Variants in FBXL4 observed in about 807,000 individuals in gnomAD.
The protein encoded by FBXL4 is F-box/LRR-repeat protein 4.
In FBXL4, 40 loss-of-function variants were observed where a neutral mutation model predicts 58.9. The observed-to-expected ratio is 0.68, with a 90% CI of 0.53 to 0.88. The LOEUF is 0.88. Ranked by LOEUF, FBXL4 falls within the 40% of genes least tolerant of loss-of-function variation. FBXL4 has a pLI of 0.00. For synonymous variants in FBXL4, 263 were observed against 265.5 expected (o/e 0.99, Z 0.09); for missense variants, 676 against 734.4 (o/e 0.92, Z 0.92).
rs529594296 is a variant in FBXL4 at position 98,897,590 on chromosome 6, C to T, written c.1317+1678G>A. On this transcript the variant is annotated intron_variant, in intron 7 of 9. Coordinates refer to ENST00000369244, the MANE Select transcript of FBXL4 (RefSeq NM_001278716.2). The stretch of plus-strand genomic sequence containing the variant: ...CATTCGGTGTTGCTATAACAAAATA[C>T]CTGAGGGTGGGTAGCTGATAAAGAA... 2.4e-4 allele frequency among the ~76,000 whole-genome samples: 37 copies of T among 152,148 alleles called. No individual in the cohort carries two copies. The South Asian group carries it at 4.8e-3, about 20-fold the overall frequency.
chr6:98,912,106 C>T (rs1032668581), intron 5 of FBXL4, among the ~76,000 whole-genome samples: 8 of 151,906 alleles, frequency 5.3e-5, no homozygotes, highest in South Asian at 2.1e-4. Flanking sequence ...TGAAATGAAG[C>T]GAGAAGGGAT....
At chr6:98,932,991 T>A (rs1773070710) in intron 2 of FBXL4, among the ~76,000 whole-genome samples, 1 of 151,558 alleles carries the variant, frequency 6.6e-6, no homozygotes, top group Non-Finnish European at 1.5e-5. Context: ...TGGTAATGAA[T>A]CAAGAAAAAA....
At chr6:98,911,041 C>A (rs970949357) in intron 5 of FBXL4, among the ~76,000 whole-genome samples, 1 of 63,492 alleles carries the variant, frequency 1.6e-5, no homozygotes, top group Non-Finnish European at 4.0e-5. Context: ...GCACCTGGCT[C>A]GGAGGGTCCT....
chr6:98,912,813 T>G (rs990423824), intron 5 of FBXL4, among the ~76,000 whole-genome samples: 3 of 150,968 alleles, frequency 2.0e-5, no homozygotes, highest in Non-Finnish European at 4.4e-5. Context: ...CAGGATCAAA[T>G]TCACACCTAA....
At chr6:98,878,394 T>G (rs1205323438) in intron 8 of FBXL4, among the ~76,000 whole-genome samples, 1 of 151,972 alleles carries the variant, frequency 6.6e-6, no homozygotes, top group Non-Finnish European at 1.5e-5. Context: ...CAGGCTGGAG[T>G]GCGGTGGTAT....
chr6:98,893,430 T>G (rs974314033), intron 7 of FBXL4, among the ~76,000 whole-genome samples: 1 of 152,108 alleles, frequency 6.6e-6, no homozygotes, highest in Non-Finnish European at 1.5e-5. Flanking sequence ...TGGTCTTCCT[T>G]GTGTGTGTGT....
Position 98,872,529 on chromosome 6 carries a change from A to G in FBXL4, c.*1749T>C, listed in dbSNP as rs1319251014. The G allele has an allele frequency of 1.3e-5, 2 of 152,140 alleles. No individual in the cohort carries two copies. Among genetic ancestry groups the G allele is most frequent in the Admixed American group, 1.3e-4 (2 of 15,276 alleles). 9.4% of individuals were successfully genotyped at this position (152,140 alleles called of 1,614,324 possible). Reference sequence around the variant, plus strand: ...AATATTTAATTCTTTTCATTAGTAAACCCGTATTACAAAAAAAATTGTTCT... The same window carrying G: ...AATATTTAATTCTTTTCATTAGTAAGCCCGTATTACAAAAAAAATTGTTCT... On this transcript the variant is annotated 3_prime_UTR_variant, in exon 10 of 10. Coordinates refer to ENST00000369244, the MANE Select transcript of FBXL4 (RefSeq NM_001278716.2).
chr6:98,896,676 G>A, intron 7 of FBXL4: 1 of 670,786 alleles, frequency 1.5e-6, no homozygotes, highest in Non-Finnish European at 1.8e-6. Context: ...AAATTACGTA[G>A]TGTTTATGAT....
Position 98,926,680 on chromosome 6 carries a change from C to A in FBXL4, c.309G>T (p.Trp103Cys). ...AGGAAGCACTAGGACACTGATCCCACCATGTCCCATAAGTTCGAAACACAG... is the reference window on the plus strand; with the variant it reads ...AGGAAGCACTAGGACACTGATCCCAACATGTCCCATAAGTTCGAAACACAG... ...QTAVFRTYGT[W>C]WDQCPSASLP... The change falls in exon 4 of 10, where the codon TGG becomes TGT. Residue 103 changes from tryptophan to cysteine, a missense_variant. Transcript: ENST00000369244. 1 of 1,614,218 alleles carries A rather than the reference C, an allele frequency of 6.2e-7. No homozygotes were observed. Among genetic ancestry groups the A allele is most frequent in the Non-Finnish European group, 8.5e-7 (1 of 1,180,042 alleles).
chr6:98,892,352 G>A (rs1424227316), intron 7 of FBXL4, among the ~76,000 whole-genome samples: 19 of 151,988 alleles, frequency 1.3e-4, no homozygotes, highest in Admixed American at 7.9e-4. Context: ...TCTCACCCTC[G>A]TCTTAGTTAC....
At position 98,870,497 on chromosome 6, in the gene FBXL4, T is replaced by C. The variant is rs1770463191; in HGVS notation, c.*3781A>G. The stretch of plus-strand genomic sequence containing the variant: ...CATTAGAATGGCAGAGTTGAACAAA[T>C]GCAAAGGAGACTTATGTGGTGCTGT... On this transcript the variant is annotated 3_prime_UTR_variant, in exon 10 of 10. Coordinates refer to ENST00000369244, the MANE Select transcript of FBXL4 (RefSeq NM_001278716.2). 1 of 152,224 alleles carries C rather than the reference T, an allele frequency of 6.6e-6. No individual in the cohort carries two copies. Among genetic ancestry groups the C allele is most frequent in the Non-Finnish European group, 1.5e-5 (1 of 68,050 alleles). The allele number at this position is 152,224 out of a possible 1,614,324, so 9.4% of individuals were successfully genotyped here.
chr6:98,903,261 A>G (rs924378321), intron 6 of FBXL4, among the ~76,000 whole-genome samples: 1 of 152,120 alleles, frequency 6.6e-6, no homozygotes, highest in Non-Finnish European at 1.5e-5. Flanking sequence ...TGCTGCCTAC[A>G]AGCCATAATA....
intron 7 of FBXL4, among the ~76,000 whole-genome samples, chr6:98,892,133 C>T (rs1334499469): frequency 6.6e-6 from 1 of 152,156 alleles, no homozygotes; most frequent in Non-Finnish European, 1.5e-5. Flanking sequence ...TTAGTTTTAT[C>T]TGTGATAATT....
Position 98,919,908 on chromosome 6 carries a change from G to A in FBXL4, c.513-2189C>T, listed in dbSNP as rs185189677. Reference sequence around the variant, plus strand: ...TGGAGGAACATCTCCAAGAAACAAGGACCCCTCAAGACCCTGTGAAATAAC... The same window carrying A: ...TGGAGGAACATCTCCAAGAAACAAGAACCCCTCAAGACCCTGTGAAATAAC... On this transcript the variant is annotated intron_variant, in intron 4 of 9. Transcript: ENST00000369244. Among the ~76,000 whole-genome samples the A allele has an allele frequency of 1.7e-4, 26 of 152,146 alleles. No homozygotes were observed. In the East Asian group the frequency reaches 3.1e-3, roughly 18 times the overall value.
intron 4 of FBXL4, among the ~76,000 whole-genome samples, chr6:98,921,795 C>G (rs1010394483): frequency 3.9e-5 from 6 of 152,036 alleles, no homozygotes; most frequent in Non-Finnish European, 2.9e-5. Context: ...GCTTTGAACA[C>G]TGAAAAAAAA....
intron 7 of FBXL4, among the ~76,000 whole-genome samples, chr6:98,896,303 A>G (rs1286157974): frequency 6.6e-6 from 1 of 152,194 alleles, no homozygotes; most frequent in African/African-American, 2.4e-5. Flanking sequence ...GAGGTGACAT[A>G]ACGCTTTGCT....
chr6:98,897,291 T>C (rs1771442224), intron 7 of FBXL4: 1 of 985,268 alleles, frequency 1.0e-6, no homozygotes, highest in Non-Finnish European at 1.2e-6. Context: ...CAAGAAAAGA[T>C]AGCTAGCAAT....
At chr6:98,904,697 A>G (rs1238084047) in intron 6 of FBXL4, among the ~76,000 whole-genome samples, 1 of 152,150 alleles carries the variant, frequency 6.6e-6, no homozygotes, top group Non-Finnish European at 1.5e-5. Flanking sequence ...CTTCTTCATT[A>G]TTTAACTTCA....
chr6:98,880,102 G>A (rs528661605), intron 8 of FBXL4, among the ~76,000 whole-genome samples: 1 of 152,170 alleles, frequency 6.6e-6, no homozygotes, highest in South Asian at 2.1e-4. Context: ...AGTAAGGACA[G>A]TAAAACAAAC....
Sources: allele counts gnomAD v4.1 joint callset (sites outside exome capture counted in the v4.1 genomes callset), GRCh38; gene constraint gnomAD v4.1.1; transcripts MANE v1.5; gene names NCBI Gene and HGNC (gene_info 2026-07-23, HGNC 2026-07-21).